Variants in RYR2 observed in about 807,000 individuals in gnomAD.
RYR2 encodes ryanodine receptor 2.
RYR2 carries 227 observed loss-of-function variants against 601.1 expected under a neutral mutation model. The observed-to-expected ratio is 0.38, with a 90% CI of 0.34 to 0.42. The LOEUF (loss-of-function observed/expected upper bound fraction) is 0.42. Among genes scored for constraint, RYR2 ranks in the 10% least tolerant of loss-of-function variants. The pLI, the probability that RYR2 is intolerant of heterozygous loss-of-function variation, is 1.00. For missense variants in RYR2, 4,646 were observed against 6,156.5 expected, an observed-to-expected ratio of 0.75 and a Z score of 8.21; for synonymous variants, 2,223 against 2,175.1, an observed-to-expected ratio of 1.02 and a Z score of -0.61.
chr1:237,414,609 A>T (rs904350541), intron 10 of RYR2, among the ~76,000 whole-genome samples: 5 of 152,240 alleles, frequency 3.3e-5, no homozygotes, highest in African/African-American at 1.2e-4. Context: ...ACATACACAC[A>T]GTATAGAATG....
chr1:237,785,650 G>C (rs888373336), intron 90 of RYR2, among the ~76,000 whole-genome samples: 2 of 152,156 alleles, frequency 1.3e-5, no homozygotes. Flanking sequence ...GAATGAAGAG[G>C]TAGGACTTAA....
At chr1:237,213,915 CTTTTTTTTTTTTTT>C (rs71180008) in intron 1 of RYR2, among the ~76,000 whole-genome samples, 17 of 65,484 alleles carry the variant, frequency 2.6e-4, no homozygotes, top group Admixed American at 2.0e-3. Context: ...TTTTCTTTTT[CTTTTTTTTTTTTTT>C]TTTTTTTTTT....
chr1:237,694,620 G>T (rs971789611), intron 63 of RYR2, among the ~76,000 whole-genome samples: 2 of 152,068 alleles, frequency 1.3e-5, no homozygotes, highest in Non-Finnish European at 2.9e-5. Context: ...AAGTAATAAA[G>T]TATACATAGC....
Position 237,050,227 on chromosome 1 carries a change from C to T in RYR2, c.48+7658C>T, listed in dbSNP as rs146337821. 4.6e-3 allele frequency among the ~76,000 whole-genome samples: 700 copies of T among 152,322 alleles called. 3 individuals carry two copies. Among genetic ancestry groups the T allele is most frequent in the African/African-American group, 0.015 (610 of 41,576 alleles). On this transcript the variant is annotated intron_variant, in intron 1 of 104. Coordinates refer to ENST00000366574, the MANE Select transcript of RYR2 (RefSeq NM_001035.3). ...CCACCCACCAACCGATGATGAGTATCTGCCAATTTACTGGAAGAAAACCTG... is the reference window on the plus strand; with the variant it reads ...CCACCCACCAACCGATGATGAGTATTTGCCAATTTACTGGAAGAAAACCTG...
chr1:237,509,685 C>T (rs190366235), intron 23 of RYR2, among the ~76,000 whole-genome samples: 46 of 152,288 alleles, frequency 3.0e-4, no homozygotes, highest in African/African-American at 1.0e-3. Flanking sequence ...GCCTTCTTGG[C>T]GCTTCCTCTT....
At chr1:237,271,611 G>A (rs1427802575) in intron 2 of RYR2, among the ~76,000 whole-genome samples, 1 of 152,106 alleles carries the variant, frequency 6.6e-6, no homozygotes, top group African/African-American at 2.4e-5. Context: ...AAAAGGCATA[G>A]TTTTTCATCT....
chr1:237,261,624 C>T (rs546388931), intron 1 of RYR2, among the ~76,000 whole-genome samples: 80 of 152,210 alleles, frequency 5.3e-4, no homozygotes, highest in African/African-American at 1.8e-3. Context: ...GGTGGGGTGC[C>T]GTGGGTCACA....
At chr1:237,117,671 CCTTCTCTTCT>C (rs60631152) in intron 1 of RYR2, among the ~76,000 whole-genome samples, 2,768 of 64,414 alleles carry the variant, frequency 0.043, 96 homozygotes, top group Middle Eastern at 0.058. Context: ...CTCTTCTCTT[CCTTCTCTTCT>C]CTTCTCTTCT....
rs188300862 is a variant in RYR2, at chr1:237,636,713, A to C, written c.6793-1644A>C. On this transcript the variant is annotated intron_variant, in intron 44 of 104. Coordinates refer to ENST00000366574, the MANE Select transcript of RYR2 (RefSeq NM_001035.3). Reference sequence around the variant, plus strand: ...AGTAGAAAGGAAAATATATGTCCACACAAAGACTTGGGCATGAATGTTTCT... The same window carrying C: ...AGTAGAAAGGAAAATATATGTCCACCCAAAGACTTGGGCATGAATGTTTCT... 3.1e-3 allele frequency among the ~76,000 whole-genome samples: 469 copies of C among 152,326 alleles called. 8 individuals carry two copies. The highest frequency in any genetic ancestry group is 0.011 in the African/African-American group (455 of 41,568).
At position 237,244,206 on chromosome 1, in the gene RYR2, G is replaced by A. The variant is rs374779617; in HGVS notation, c.49-26291G>A. ...TTCTTCCTTTTGCTTAGATGTCACC[G>A]TTTAAGGATGTTCGTGCACAAGGTA... On this transcript the variant is annotated intron_variant, in intron 1 of 104. Coordinates refer to ENST00000366574, the MANE Select transcript of RYR2 (RefSeq NM_001035.3). 6.6e-5 allele frequency among the ~76,000 whole-genome samples: 10 copies of A among 152,142 alleles called. No individual in the cohort carries two copies. The East Asian group carries it at 1.2e-3, about 18-fold the overall frequency.
At chr1:237,099,670 G>A (rs753864585) in intron 1 of RYR2, among the ~76,000 whole-genome samples, 23 of 152,280 alleles carry the variant, frequency 1.5e-4, no homozygotes, top group Non-Finnish European at 1.9e-4. Flanking sequence ...ACCACATGCC[G>A]CATGGCAGAT....
intron 50 of RYR2, among the ~76,000 whole-genome samples, chr1:237,650,454 A>G (rs1440574989): frequency 6.6e-6 from 1 of 152,204 alleles, no homozygotes; most frequent in Non-Finnish European, 1.5e-5. Context: ...GATTTAACTC[A>G]TCTTCTAGAA....
At chr1:237,827,891 T>C (rs553696787) in intron 101 of RYR2, among the ~76,000 whole-genome samples, 68 of 137,336 alleles carry the variant, frequency 5.0e-4, no homozygotes, top group African/African-American at 1.2e-3. Flanking sequence ...GAGCCGAGAT[T>C]GTGCCACTGC....
At position 237,614,165 on chromosome 1, in the gene RYR2, T is replaced by C. The variant is rs2148593927; in HGVS notation, c.5037T>C (p.His1679=). 1 of 1,614,032 alleles carries C rather than the reference T, an allele frequency of 6.2e-7. No homozygotes were observed. Among genetic ancestry groups the C allele is most frequent in the African/African-American group, 1.3e-5 (1 of 75,054 alleles). The stretch of plus-strand genomic sequence containing the variant: ...GGGTGGCCCATGCCCTGTGCAGCCA[T>C]GTGGATGAACCTCAGCTCCTCTATG... ...NHRVAHALCS[H]VDEPQLLYAI... The change falls in exon 37 of 105, where the codon CAT becomes CAC. Residue 1679 remains histidine (H), a synonymous_variant. Coordinates refer to ENST00000366574, the MANE Select transcript of RYR2 (RefSeq NM_001035.3). The surrounding 1 kb of genome is among the most constrained non-coding windows in gnomAD (Gnocchi z 4.3).
chr1:237,122,030 T>C (rs1670841280), intron 1 of RYR2, among the ~76,000 whole-genome samples: 1 of 152,226 alleles, frequency 6.6e-6, no homozygotes, highest in Non-Finnish European at 1.5e-5. Context: ...AACACCTGCC[T>C]TACCTGTTTT....
chr1:237,222,942 G>A (rs903717627), intron 1 of RYR2, among the ~76,000 whole-genome samples: 1 of 152,126 alleles, frequency 6.6e-6, no homozygotes, highest in Non-Finnish European at 1.5e-5. Flanking sequence ...GCACATGCTT[G>A]TAATCCCAGC....
intron 79 of RYR2, among the ~76,000 whole-genome samples, chr1:237,741,092 A>G (rs1299237034): frequency 2.0e-5 from 3 of 152,226 alleles, no homozygotes; most frequent in Non-Finnish European, 4.4e-5. Context: ...TATTACCCAG[A>G]CAATGAAACT....
intron 32 of RYR2, among the ~76,000 whole-genome samples, chr1:237,592,837 A>AT (rs1675370614): frequency 6.6e-6 from 1 of 151,830 alleles, no homozygotes; most frequent in Admixed American, 6.6e-5. Context: ...CCTGGCTAAC[A>AT]TGGTGAAACC....
intron 96 of RYR2, among the ~76,000 whole-genome samples, chr1:237,796,480 G>C (rs558929724): frequency 1.7e-4 from 26 of 152,138 alleles, no homozygotes; most frequent in African/African-American, 5.1e-4. Context: ...CAAAACAAAT[G>C]GTTTTAATTA....
Sources: allele counts gnomAD v4.1 joint callset (sites outside exome capture counted in the v4.1 genomes callset), GRCh38; gene constraint gnomAD v4.1.1; non-coding constraint Gnocchi (gnomAD v3.1); transcripts MANE v1.5; gene names NCBI Gene and HGNC (gene_info 2026-07-23, HGNC 2026-07-21).